Variants in CNTN6 observed in about 807,000 individuals in gnomAD.
CNTN6 encodes contactin-6.
CNTN6 carries 137 observed loss-of-function variants against 122.8 expected under a neutral mutation model. The ratio of observed to expected loss-of-function variants is 1.12; its 90% CI spans 0.97 to 1.29. The LOEUF (loss-of-function observed/expected upper bound fraction) is 1.29. Ranked by LOEUF, CNTN6 falls within the 50% of genes most tolerant of loss-of-function variation. The pLI is 0.00. For missense variants in CNTN6, 1,634 were observed against 1,223.4 expected (o/e 1.34, Z -5.01); for synonymous variants, 570 against 426.0 (o/e 1.34, Z -4.16).
chr3:1,298,049 A>T (rs1696585063), intron 7 of CNTN6, 58 bp downstream of exon 7: 1 of 1,285,956 alleles, frequency 7.8e-7, no homozygotes, highest in South Asian at 1.3e-5. Flanking sequence ...TTTTATTAAA[A>T]ACCTTTTTGT....
intron 7 of CNTN6, among the ~76,000 whole-genome samples, chr3:1,303,676 C>T (rs1697824484): frequency 6.6e-6 from 1 of 152,034 alleles, no homozygotes; most frequent in African/African-American, 2.4e-5. Flanking sequence ...GCTTTTTCTC[C>T]TAGTCACAGT....
chr3:1,215,660 A>G (rs573083172), intron 2 of CNTN6, among the ~76,000 whole-genome samples: 2 of 151,700 alleles, frequency 1.3e-5, no homozygotes, highest in East Asian at 1.9e-4. Context: ...TAGATTGAGT[A>G]TTTTCCCTGT....
chr3:1,245,161 A>C lies in CNTN6; in HGVS notation c.358+17168A>C. On this transcript the variant is annotated intron_variant, in intron 4 of 22. Transcript: ENST00000446702. ...TAGCAAAATATGGAAACCAACCCAA[A>C]TGCCCATCAATCAACAAGTAGGGTA... 3.5e-5 allele frequency among the ~76,000 whole-genome samples: 2 copies of C among 56,686 alleles called. 1 individual carries two copies. The highest frequency in any genetic ancestry group is 1.4e-4 in the African/African-American group (2 of 14,154). The allele number at this position is 56,686 out of a possible 152,430, so 37.2% of individuals were successfully genotyped here. A position where few individuals can be genotyped will look rare whatever the true frequency, so the allele number is the denominator to read the frequency against.
At chr3:1,390,193 A>AGAT (rs1468964160) in intron 20 of CNTN6, among the ~76,000 whole-genome samples, 1 of 152,036 alleles carries the variant, frequency 6.6e-6, no homozygotes, top group Non-Finnish European at 1.5e-5. Flanking sequence ...AAAAGGACAG[A>AGAT]GATTATAACA....
intron 11 of CNTN6, among the ~76,000 whole-genome samples, chr3:1,335,288 T>C (rs1219999752): frequency 1.3e-5 from 2 of 152,174 alleles, no homozygotes; most frequent in Admixed American, 6.5e-5. Context: ...TCGTAACTTG[T>C]ATGCATATCC....
intron 7 of CNTN6, among the ~76,000 whole-genome samples, chr3:1,320,082 T>A (rs1274443105): frequency 1.3e-5 from 2 of 151,590 alleles, no homozygotes; most frequent in African/African-American, 4.8e-5. Flanking sequence ...TTATCTGAGG[T>A]TAATTGTTGC....
At chr3:1,245,227 T>TAAC (rs1386435029) in intron 4 of CNTN6, among the ~76,000 whole-genome samples, 131 of 12,512 alleles carry the variant, frequency 0.01, 15 homozygotes, top group Non-Finnish European at 0.017. Flanking sequence ...TATATATATA[T>TAAC]ATATATATAC....
In CNTN6 at chr3:1,373,726, A is replaced by T; in HGVS notation, c.1909A>T (p.Thr637Ser). Residue 637 changes from threonine to serine, a missense_variant, in exon 15 of 23, where the codon ACA (threonine) becomes TCA (serine). By Grantham distance (58) the Thr-to-Ser change is moderately conservative. Coordinates refer to ENST00000446702, the MANE Select transcript of CNTN6 (RefSeq NM_001289080.2). ...TCAAATATTTACTATTCAGACTCGG[A>T]CACCATTTTCTGTGGGTTGGCAGGC... is the stretch of plus-strand genomic sequence containing the variant. ...PIQIFTIQTR[T>S]PFSVGWQAVA... 1 of 1,610,972 alleles carries T rather than the reference A, an allele frequency of 6.2e-7. No homozygotes were observed. The highest frequency in any genetic ancestry group is 1.3e-5 in the African/African-American group (1 of 74,968).
intron 5 of CNTN6, among the ~76,000 whole-genome samples, chr3:1,282,025 A>T (rs1222000019): frequency 6.6e-6 from 1 of 152,002 alleles, no homozygotes; most frequent in African/African-American, 2.4e-5. Context: ...TTTATAGGAG[A>T]GTAAGAAAAA....
At chr3:1,222,201 T>A (rs746663194) in intron 3 of CNTN6, among the ~76,000 whole-genome samples, 4 of 152,184 alleles carry the variant, frequency 2.6e-5, no homozygotes, top group Non-Finnish European at 5.9e-5. Context: ...CAGGGGAAGA[T>A]CCTTCACTTT....
At chr3:1,320,738 A>C (rs1700730338) in intron 7 of CNTN6, among the ~76,000 whole-genome samples, 1 of 151,632 alleles carries the variant, frequency 6.6e-6, no homozygotes, top group African/African-American at 2.4e-5. Context: ...AGTAGTGAAT[A>C]TTTTCCTTCT....
intron 10 of CNTN6, among the ~76,000 whole-genome samples, chr3:1,327,959 C>T (rs1401134178): frequency 6.6e-6 from 1 of 151,808 alleles, no homozygotes; most frequent in Non-Finnish European, 1.5e-5. Context: ...TTTATTTTAT[C>T]TCTTAGCAAG....
At chr3:1,242,247 G>C (rs534877306) in intron 4 of CNTN6, among the ~76,000 whole-genome samples, 1 of 152,130 alleles carries the variant, frequency 6.6e-6, no homozygotes, top group Non-Finnish European at 1.5e-5. Flanking sequence ...AGCAAAGAGA[G>C]GCTGGGACGA....
chr3:1,178,178 G>A (rs1003609764), intron 2 of CNTN6, among the ~76,000 whole-genome samples: 1 of 152,096 alleles, frequency 6.6e-6, no homozygotes, highest in African/African-American at 2.4e-5. Flanking sequence ...TGGGATTACA[G>A]GCATGAGCCA....
At chr3:1,201,958 T>C (rs2093878407) in intron 2 of CNTN6, among the ~76,000 whole-genome samples, 1 of 152,176 alleles carries the variant, frequency 6.6e-6, no homozygotes, top group Admixed American at 6.6e-5. Context: ...TGTAATGTAA[T>C]AATTGGGTAT....
chr3:1,228,383 T>C (rs1022120253), intron 4 of CNTN6, among the ~76,000 whole-genome samples: 11 of 151,690 alleles, frequency 7.3e-5, no homozygotes, highest in African/African-American at 2.4e-4. Flanking sequence ...CTGGGGGAGG[T>C]GGGCGTTCTC....
At chr3:1,361,363 G>T (rs528546527) in intron 12 of CNTN6, among the ~76,000 whole-genome samples, 1 of 152,168 alleles carries the variant, frequency 6.6e-6, no homozygotes, top group South Asian at 2.1e-4. Flanking sequence ...TCACTCTTAG[G>T]ACTGAAATCT....
In CNTN6 at chr3:1,402,544, A is replaced by G. The variant is rs1695858425; in HGVS notation, c.2986+58A>G. 5 of 1,429,324 alleles carry G rather than the reference A, an allele frequency of 3.5e-6. No homozygotes were observed. In the East Asian group the frequency reaches 1.2e-4, roughly 34 times the overall value. The allele number at this position is 1,429,324 out of a possible 1,614,324, so 88.5% of individuals were successfully genotyped here. A position where few individuals can be genotyped will look rare whatever the true frequency, so the allele number is the denominator to read the frequency against. On this transcript the variant is annotated intron_variant, in intron 22 of 22. Coordinates refer to ENST00000446702, the MANE Select transcript of CNTN6 (RefSeq NM_001289080.2). ...TGAACCTAGACAGCTGCAGCATGAA[A>G]TTCAGCTCCATGAAACCTTCCAGTT...
At chr3:1,315,947 A>G (rs1700042871) in intron 7 of CNTN6, among the ~76,000 whole-genome samples, 1 of 152,020 alleles carries the variant, frequency 6.6e-6, no homozygotes, top group African/African-American at 2.4e-5. Context: ...ATCAGTTTGT[A>G]TCAAATGCGT....
Sources: gnomAD v4.1 joint callset for allele counts (sites outside exome capture counted in the v4.1 genomes callset) on GRCh38, gnomAD v4.1.1 for gene constraint, MANE v1.5 for transcripts, NCBI Gene and HGNC (gene_info 2026-07-23, HGNC 2026-07-21) for gene names.